Variants in RANBP17 observed in about 807,000 individuals in gnomAD.
RANBP17 encodes RAN binding protein 17, also known as ran-binding protein 17.
A neutral mutation model predicts 141.2 loss-of-function variants in RANBP17; 158 were observed. The ratio of observed to expected loss-of-function variants is 1.12; its 90% CI spans 0.98 to 1.28. RANBP17 has a LOEUF of 1.28. RANBP17 is among the 50% of genes most tolerant of loss of function. The probability of loss-of-function intolerance (pLI) is 0.00; values close to 1 mark genes in which losing one functional copy is unlikely to be tolerated. For missense variants in RANBP17, 1,438 were observed against 1,290.7 expected (o/e 1.11, Z -1.75); for synonymous variants, 430 against 450.0 (o/e 0.96, Z 0.56).
chr5:171,227,891 A>G (rs1030125061), intron 22 of RANBP17, among the ~76,000 whole-genome samples: 1 of 152,194 alleles, frequency 6.6e-6, no homozygotes, highest in Non-Finnish European at 1.5e-5. Context: ...TGTTTACAGC[A>G]TGCTTTACTG....
At chr5:171,268,647 A>C (rs975515331) in intron 25 of RANBP17, among the ~76,000 whole-genome samples, 1 of 151,896 alleles carries the variant, frequency 6.6e-6, no homozygotes, top group Non-Finnish European at 1.5e-5. Flanking sequence ...GACTTAAAGC[A>C]TGTCCACACT....
Position 171,266,209 on chromosome 5 carries a change from T to C in RANBP17, c.2943+362T>C, listed in dbSNP as rs1259370564. ...CATCTTAAGTTTGCCTTATGAATACTCCGGTATATTGGGAAACTACAATTT... is the reference window on the plus strand; with the variant it reads ...CATCTTAAGTTTGCCTTATGAATACCCCGGTATATTGGGAAACTACAATTT... On this transcript the variant is annotated intron_variant, in intron 25 of 27. Coordinates refer to ENST00000523189, the MANE Select transcript of RANBP17 (RefSeq NM_022897.5). 2.6e-5 allele frequency among the ~76,000 whole-genome samples: 4 copies of C among 152,160 alleles called. No homozygotes were observed. The East Asian group carries it at 7.7e-4, about 29-fold the overall frequency.
chr5:171,035,503 A>ATG (rs1276462378), intron 14 of RANBP17, among the ~76,000 whole-genome samples: 1 of 146,444 alleles, frequency 6.8e-6, no homozygotes, highest in Non-Finnish European at 1.5e-5. Flanking sequence ...GAACATGTTA[A>ATG]CCCGATCATG....
At chr5:170,983,789 T>C (rs1055707068) in intron 14 of RANBP17, among the ~76,000 whole-genome samples, 4 of 152,148 alleles carry the variant, frequency 2.6e-5, no homozygotes, top group African/African-American at 9.7e-5. Context: ...TTTGGTGCCC[T>C]GAAAACACAG....
intron 14 of RANBP17, among the ~76,000 whole-genome samples, chr5:171,083,673 C>T (rs1366217204): frequency 6.6e-6 from 1 of 152,200 alleles, no homozygotes; most frequent in Non-Finnish European, 1.5e-5. Flanking sequence ...GCTGTGTCCC[C>T]ATCCAAATCT....
chr5:171,211,639 T>G (rs865794372), intron 20 of RANBP17, among the ~76,000 whole-genome samples: 183 of 151,048 alleles, frequency 1.2e-3, no homozygotes, highest in Non-Finnish European at 2.2e-3. Flanking sequence ...TTTTTTTTTT[T>G]TTTTTTTTTT....
At chr5:170,952,769 A>G (rs1191330160) in intron 12 of RANBP17, among the ~76,000 whole-genome samples, 1 of 152,098 alleles carries the variant, frequency 6.6e-6, no homozygotes, top group Non-Finnish European at 1.5e-5. Context: ...ATTTGTTTTT[A>G]GCAAGATAAT....
chr5:171,147,562 C>T (rs1242262278), intron 14 of RANBP17, among the ~76,000 whole-genome samples: 2 of 151,692 alleles, frequency 1.3e-5, no homozygotes, highest in Admixed American at 6.6e-5. Flanking sequence ...ATTACAGGCA[C>T]CCGCCACCAA....
intron 14 of RANBP17, among the ~76,000 whole-genome samples, chr5:171,093,463 T>C (rs980451866): frequency 3.3e-5 from 5 of 152,176 alleles, no homozygotes; most frequent in African/African-American, 7.2e-5. Context: ...TTTGTAATGA[T>C]TCCTCTCTAC....
chr5:171,259,352 C>A (rs1766131909), intron 24 of RANBP17, among the ~76,000 whole-genome samples: 1 of 152,208 alleles, frequency 6.6e-6, no homozygotes. Flanking sequence ...TTCAATCCAG[C>A]AGTCCTACTA....
chr5:170,863,547 A>G (rs1235050978), intron 1 of RANBP17: 1 of 152,214 alleles, frequency 6.6e-6, no homozygotes, highest in Non-Finnish European at 1.5e-5. Context: ...CCTCAGGTCA[A>G]AATAATGTAT....
intron 14 of RANBP17, among the ~76,000 whole-genome samples, chr5:171,078,950 A>T (rs1400173574): frequency 4.6e-5 from 7 of 152,224 alleles, no homozygotes; most frequent in Non-Finnish European, 7.3e-5. Context: ...TTTGATAAAT[A>T]CATTTCATAA....
chr5:171,143,078 A>G (rs1757807998), intron 14 of RANBP17, among the ~76,000 whole-genome samples: 1 of 152,332 alleles, frequency 6.6e-6, no homozygotes, highest in South Asian at 2.1e-4. Context: ...CTTATCTGGT[A>G]AGCTAGTGGG....
At chr5:171,005,064 C>T (rs1005032134) in intron 14 of RANBP17, among the ~76,000 whole-genome samples, 2 of 152,006 alleles carry the variant, frequency 1.3e-5, no homozygotes, top group Admixed American at 6.6e-5. Flanking sequence ...GTTTGAGGGC[C>T]GGATTCCAAT....
At chr5:171,139,371 C>A (rs1757540195) in intron 14 of RANBP17, among the ~76,000 whole-genome samples, 4 of 152,142 alleles carry the variant, frequency 2.6e-5, no homozygotes, top group African/African-American at 7.2e-5. Flanking sequence ...TCTTTTCTTT[C>A]AGTGCTTAAC....
At chr5:170,886,426 C>T (rs965553443) in intron 3 of RANBP17, among the ~76,000 whole-genome samples, 1 of 152,060 alleles carries the variant, frequency 6.6e-6, no homozygotes, top group African/African-American at 2.4e-5. Context: ...AGATTAGCAG[C>T]TTTGTAGATA....
chr5:171,064,892 T>C (rs1784205605), intron 14 of RANBP17, among the ~76,000 whole-genome samples: 1 of 152,202 alleles, frequency 6.6e-6, no homozygotes, highest in Non-Finnish European at 1.5e-5. Flanking sequence ...ATCCTTGATT[T>C]ATTAAGAATG....
At chr5:170,960,883 A>T (rs1776093036) in intron 13 of RANBP17, among the ~76,000 whole-genome samples, 1 of 152,118 alleles carries the variant, frequency 6.6e-6, no homozygotes, top group Non-Finnish European at 1.5e-5. Flanking sequence ...AGTAGCTGGG[A>T]TACAGGCTCC....
chr5:171,244,371 C>T (rs536090992), intron 24 of RANBP17, among the ~76,000 whole-genome samples: 2 of 152,200 alleles, frequency 1.3e-5, no homozygotes, highest in Admixed American at 6.5e-5. Context: ...AACGAAACTC[C>T]ATCTCAAAAA....
Sources: gnomAD v4.1 joint callset for allele counts (sites outside exome capture counted in the v4.1 genomes callset) on GRCh38, gnomAD v4.1.1 for gene constraint, MANE v1.5 for transcripts, NCBI Gene and HGNC (gene_info 2026-07-23, HGNC 2026-07-21) for gene names.